Variants in MYO10 observed in about 807,000 individuals in gnomAD.
The protein encoded by MYO10 is unconventional myosin-X.
In MYO10, 133 loss-of-function variants were observed where a neutral mutation model predicts 257.3. The observed-to-expected ratio is 0.52, with a 90% CI of 0.45 to 0.60. MYO10 has a LOEUF of 0.60. Among genes scored for constraint, MYO10 ranks in the 20% least tolerant of loss-of-function variants. The pLI is 0.00. For missense variants in MYO10, 2,399 were observed against 2,635.7 expected (o/e 0.91, Z 1.97); for synonymous variants, 1,104 against 1,028.6 (o/e 1.07, Z -1.40).
chr5:16,718,446 T>C, intron 19 of MYO10, among the ~76,000 whole-genome samples: 1 of 152,262 alleles, frequency 6.6e-6, no homozygotes, highest in Non-Finnish European at 1.5e-5. Context: ...AGAGTATTTA[T>C]ATCTAGCTCA....
At chr5:16,895,753 A>AACACACACACACACAC (rs57628919) in intron 1 of MYO10, among the ~76,000 whole-genome samples, 6 of 131,648 alleles carry the variant, frequency 4.6e-5, no homozygotes, top group Admixed American at 2.2e-4. Flanking sequence ...CCAACACCAC[A>AACACACACACACACAC]ACACACACAC....
chr5:16,818,949 TA>T (rs1349047000), intron 2 of MYO10, among the ~76,000 whole-genome samples: 1 of 152,206 alleles, frequency 6.6e-6, no homozygotes, highest in Non-Finnish European at 1.5e-5. Context: ...TTTCCCTATA[TA>T]ATGTTTCATA....
chr5:16,898,743 C>T (rs1052621058), intron 1 of MYO10, among the ~76,000 whole-genome samples: 11 of 151,918 alleles, frequency 7.2e-5, no homozygotes, highest in Non-Finnish European at 1.2e-4. Context: ...TGCATGTTCC[C>T]TGCACATCTC....
intron 2 of MYO10, among the ~76,000 whole-genome samples, chr5:16,853,502 C>A (rs573116494): frequency 6.6e-6 from 1 of 152,330 alleles, no homozygotes; most frequent in South Asian, 2.1e-4. Flanking sequence ...GCAGTGGTCA[C>A]TGTCTCTCCT....
Position 16,701,884 on chromosome 5 carries a change from G to T in MYO10, c.2557-46C>A. 6.5e-7 allele frequency: 1 copy of T among 1,537,996 alleles called. No homozygotes were observed. The highest frequency in any genetic ancestry group is 1.8e-4 in the Middle Eastern group (1 of 5,666). Reference sequence around the variant, plus strand: ...GATTTCAGAAGGCTTCAGTACAAAAGTCCAAGCATAGCTCCCGCTTTGCAA... The same window carrying T: ...GATTTCAGAAGGCTTCAGTACAAAATTCCAAGCATAGCTCCCGCTTTGCAA... On this transcript the variant is annotated intron_variant, in intron 24 of 40. Transcript: ENST00000513610. The surrounding 1 kb of genome is among the most constrained non-coding windows in gnomAD (Gnocchi z 8.1).
At chr5:16,737,085 GTTCT>G (rs1199602031) in intron 19 of MYO10, among the ~76,000 whole-genome samples, 14 of 152,076 alleles carry the variant, frequency 9.2e-5, no homozygotes, top group Admixed American at 5.2e-4. Flanking sequence ...TATCTGAAGA[GTTCT>G]TTCTTAAAAA....
intron 1 of MYO10, 63 bp from the exon 2 acceptor site, chr5:16,877,770 G>T: frequency 7.8e-7 from 1 of 1,277,950 alleles, no homozygotes; most frequent in Non-Finnish European, 1.1e-6. Context: ...AAACTGTACT[G>T]TCGAAATTAC....
chr5:16,672,587 T>C (rs1736520598), intron 37 of MYO10, 102 bp downstream of exon 37: 1 of 1,400,784 alleles, frequency 7.1e-7, no homozygotes, highest in African/African-American at 1.4e-5. Flanking sequence ...CTAACTCCAA[T>C]ACAGCGTGAA....
At chr5:16,748,219 A>G (rs1740267406) in intron 19 of MYO10, among the ~76,000 whole-genome samples, 2 of 151,856 alleles carry the variant, frequency 1.3e-5, no homozygotes, top group African/African-American at 2.4e-5. Flanking sequence ...ACAGGTGTAC[A>G]CTACCACTCC....
At chr5:16,671,324 C>T in intron 38 of MYO10, 98 bp downstream of exon 38, 2 of 1,416,898 alleles carry the variant, frequency 1.4e-6, no homozygotes, top group Non-Finnish European at 1.9e-6. Context: ...CACAGGTGTG[C>T]CTCATTTCTA....
At chr5:16,757,119 TAAAAAAAAAAAA>T (rs58155620) in intron 18 of MYO10, among the ~76,000 whole-genome samples, 1 of 100,134 alleles carries the variant, frequency 1.0e-5, no homozygotes, top group African/African-American at 4.1e-5. Flanking sequence ...ACTCTGCCTT[TAAAAAAAAAAAA>T]AAAAAAAAAA....
chr5:16,807,157 C>T (rs1440572649), intron 3 of MYO10, among the ~76,000 whole-genome samples: 1 of 152,156 alleles, frequency 6.6e-6, no homozygotes, highest in East Asian at 1.9e-4. Context: ...TCAAACACCT[C>T]GGCTAAATAC....
At chr5:16,866,257 C>T (rs1744246774) in intron 2 of MYO10, among the ~76,000 whole-genome samples, 2 of 152,274 alleles carry the variant, frequency 1.3e-5, no homozygotes, top group African/African-American at 4.8e-5. Flanking sequence ...ACGGCACCAG[C>T]GTTAAAGCTG....
At chr5:16,689,339 T>C (rs1737385678) in intron 28 of MYO10, among the ~76,000 whole-genome samples, 1 of 152,160 alleles carries the variant, frequency 6.6e-6, no homozygotes, top group African/African-American at 2.4e-5. Flanking sequence ...TCTGTGTAAG[T>C]TAGTACCTCT....
intron 4 of MYO10, among the ~76,000 whole-genome samples, chr5:16,786,274 G>A (rs1451468353): frequency 1.3e-5 from 2 of 152,140 alleles, no homozygotes; most frequent in African/African-American, 4.8e-5. Context: ...TACAGCAGAG[G>A]CTTGGTCAAA....
intron 2 of MYO10, among the ~76,000 whole-genome samples, chr5:16,841,773 C>T (rs1041175256): frequency 6.6e-6 from 1 of 152,148 alleles, no homozygotes; most frequent in Admixed American, 6.5e-5. Flanking sequence ...AACTGTTTTT[C>T]ATTAATATGG....
At chr5:16,757,099 A>G (rs1740549136) in intron 18 of MYO10, among the ~76,000 whole-genome samples, 1 of 144,994 alleles carries the variant, frequency 6.9e-6, no homozygotes, top group Admixed American at 7.1e-5. Context: ...AGCCTGGGTG[A>G]CAGAGCGAGA....
chr5:16,714,934 T>A (rs1172818793), intron 19 of MYO10, among the ~76,000 whole-genome samples: 2 of 152,214 alleles, frequency 1.3e-5, no homozygotes, highest in Non-Finnish European at 2.9e-5. Flanking sequence ...TAGCCAATGA[T>A]AATTTAGTTG....
chr5:16,902,457 T>C, intron 1 of MYO10: 9 of 1,346,240 alleles, frequency 6.7e-6, no homozygotes, highest in African/African-American at 1.4e-5. Flanking sequence ...GGGAAGCACA[T>C]AGGCATCGAA....
Sources: gnomAD v4.1 joint callset for allele counts (sites outside exome capture counted in the v4.1 genomes callset) on GRCh38, gnomAD v4.1.1 for gene constraint, Gnocchi (gnomAD v3.1) non-coding constraint, MANE v1.5 for transcripts, NCBI Gene and HGNC (gene_info 2026-07-23, HGNC 2026-07-21) for gene names.